The following GRIA3 variants were observed in gnomAD, a reference collection of about 807,000 sequenced individuals.
GRIA3 encodes glutamate receptor 3.
A neutral mutation model predicts 63.0 loss-of-function variants in GRIA3; 3 were observed. That is an observed-to-expected ratio of 0.05 (90% CI 0.02 to 0.12). The LOEUF is 0.12. Among genes scored for constraint, GRIA3 ranks in the 10% least tolerant of loss-of-function variants. The pLI, the probability that GRIA3 is intolerant of heterozygous loss-of-function variation, is 1.00. For missense variants in GRIA3, 347 were observed against 700.9 expected (o/e 0.50, Z 5.70); for synonymous variants, 274 against 257.9 (o/e 1.06, Z -0.60).
At chrX:123,275,225 C>T (rs1304671071) in intron 3 of GRIA3, among the ~76,000 whole-genome samples, 2 of 111,709 alleles carry the variant, frequency 1.8e-5, no homozygotes, top group African/African-American at 6.5e-5. Flanking sequence ...GTGTCAGGCA[C>T]TGTTCTATAT....
In GRIA3 at chrX:123,307,725, T is replaced by C. The variant is rs181161349; in HGVS notation, c.509-18301T>C. On this transcript the variant is annotated intron_variant, in intron 3 of 15. Coordinates refer to ENST00000620443, the MANE Select transcript of GRIA3 (RefSeq NM_007325.5). Reference sequence around the variant, plus strand: ...GATTCAGTCCAGCATCTTCACTACATGCAGCCCTTCCTACCTACCTGTGTG... The same window carrying C: ...GATTCAGTCCAGCATCTTCACTACACGCAGCCCTTCCTACCTACCTGTGTG... Among the ~76,000 whole-genome samples the C allele has an allele frequency of 6.3e-5, 7 of 110,511 alleles. No individual in the cohort carries two copies. The East Asian group carries it at 2.0e-3, about 31-fold the overall frequency.
At chrX:123,217,745 A>G (rs981408019) in intron 2 of GRIA3, among the ~76,000 whole-genome samples, 12 of 112,268 alleles carry the variant, frequency 1.1e-4, no homozygotes, top group African/African-American at 2.9e-4. Context: ...AGGATTTCCA[A>G]TGAAGGGGGG....
At chrX:123,337,504 A>C (rs1052738501) in intron 4 of GRIA3, among the ~76,000 whole-genome samples, 2 of 111,974 alleles carry the variant, frequency 1.8e-5, no homozygotes, top group Non-Finnish European at 3.8e-5. Context: ...GAGCTTAAGA[A>C]TGGGGACACA....
chrX:123,219,887 G>A (rs1002934541), intron 2 of GRIA3, among the ~76,000 whole-genome samples: 1 of 112,621 alleles, frequency 8.9e-6, no homozygotes, highest in Non-Finnish European at 1.9e-5. Flanking sequence ...AACTGTAATA[G>A]TGACACTGAG....
intron 3 of GRIA3, among the ~76,000 whole-genome samples, chrX:123,311,063 T>C (rs763020579): frequency 1.2e-4 from 13 of 110,181 alleles, no homozygotes; most frequent in African/African-American, 4.3e-4. Flanking sequence ...TACCTATTTA[T>C]ACAATCCTTA....
intron 12 of GRIA3, among the ~76,000 whole-genome samples, chrX:123,453,015 A>G (rs2045741613): frequency 8.9e-6 from 1 of 112,342 alleles, no homozygotes; most frequent in African/African-American, 3.2e-5. Flanking sequence ...TAGAAATACC[A>G]TTTGAGCCAG....
chrX:123,374,400 T>C (rs1484184806), intron 5 of GRIA3, among the ~76,000 whole-genome samples: 10 of 111,915 alleles, frequency 8.9e-5, no homozygotes, highest in African/African-American at 9.8e-5. Flanking sequence ...AAGAAAGTTA[T>C]TGGTAGCTTG....
chrX:123,259,787 C>T lies in GRIA3; in HGVS notation c.508+6245C>T, dbSNP rs143398026. Among the ~76,000 whole-genome samples the T allele has an allele frequency of 7.1e-3, 789 of 111,606 alleles. 7 individuals carry two copies. Among genetic ancestry groups the T allele is most frequent in the African/African-American group, 0.024 (744 of 30,684 alleles). The stretch of plus-strand genomic sequence containing the variant: ...ACCAGATTTCAACCTGGGTCTGCCA[C>T]GTTCCACAGTCTATGTACTGTTCTC... On this transcript the variant is annotated intron_variant, in intron 3 of 15. Coordinates refer to ENST00000620443, the MANE Select transcript of GRIA3 (RefSeq NM_007325.5).
chrX:123,248,832 A>G (rs2044374109), intron 2 of GRIA3, among the ~76,000 whole-genome samples: 1 of 112,042 alleles, frequency 8.9e-6, no homozygotes, highest in African/African-American at 3.2e-5. Flanking sequence ...GGTGTGCTTC[A>G]TTAAGGATTC....
intron 2 of GRIA3, among the ~76,000 whole-genome samples, chrX:123,215,431 C>T (rs185857680): frequency 1.2e-3 from 137 of 112,033 alleles, no homozygotes; most frequent in Admixed American, 3.9e-3. Flanking sequence ...ACAAACTGTT[C>T]GTTCCTTTTC....
intron 13 of GRIA3, among the ~76,000 whole-genome samples, chrX:123,478,491 A>G (rs1172774888): frequency 8.9e-6 from 1 of 112,115 alleles, no homozygotes; most frequent in African/African-American, 3.2e-5. Flanking sequence ...CCTCCCTGAT[A>G]TTAAAGATTT....
chrX:123,483,270 C>G (rs1051504679), intron 15 of GRIA3, among the ~76,000 whole-genome samples: 2 of 110,970 alleles, frequency 1.8e-5, no homozygotes, highest in Non-Finnish European at 3.8e-5. Flanking sequence ...AAAGGAAATA[C>G]AATTCTCCAG....
At chrX:123,370,805 A>G (rs2045242147) in intron 5 of GRIA3, among the ~76,000 whole-genome samples, 1 of 110,497 alleles carries the variant, frequency 9.1e-6, no homozygotes, top group South Asian at 3.9e-4. Context: ...GGTACATGAT[A>G]TATTTTGATA....
intron 10 of GRIA3, among the ~76,000 whole-genome samples, chrX:123,408,890 C>T (rs760855520): frequency 5.3e-5 from 6 of 112,157 alleles, no homozygotes; most frequent in Non-Finnish European, 9.4e-5. Context: ...TCTTATCATG[C>T]TTGGAGTAAA....
At position 123,430,897 on chromosome X, in the gene GRIA3, C is replaced by T. The variant is rs186132643; in HGVS notation, c.2076+2758C>T. On this transcript the variant is annotated intron_variant, in intron 12 of 15. Coordinates refer to ENST00000620443, the MANE Select transcript of GRIA3 (RefSeq NM_007325.5). ...ACTCGGGAGGCTGAGGCAGGAGAAT[C>T]GCTTGAACCAGGGATTCAGAGGTTG... Among the ~76,000 whole-genome samples, 55 of 110,698 alleles carry T rather than the reference C, an allele frequency of 5.0e-4. 1 individual carries two copies. The East Asian group carries it at 9.9e-3, about 20-fold the overall frequency.
intron 2 of GRIA3, among the ~76,000 whole-genome samples, chrX:123,210,641 G>A (rs1178759687): frequency 1.8e-5 from 2 of 111,573 alleles, no homozygotes; most frequent in Admixed American, 9.5e-5. Flanking sequence ...GGGTCAGTGA[G>A]TTATTTGACT....
intron 3 of GRIA3, among the ~76,000 whole-genome samples, chrX:123,305,398 T>C (rs1249826968): frequency 8.9e-6 from 1 of 112,080 alleles, no homozygotes; most frequent in Admixed American, 9.5e-5. Context: ...AAATGATGCA[T>C]AAGCACTATA....
chrX:123,460,748 C>G (rs923263677), intron 12 of GRIA3, among the ~76,000 whole-genome samples: 2 of 111,166 alleles, frequency 1.8e-5, no homozygotes, highest in Non-Finnish European at 3.8e-5. Context: ...TTCTGTGTAT[C>G]GAATTATTGA....
intron 3 of GRIA3, among the ~76,000 whole-genome samples, chrX:123,259,281 G>T (rs1263867534): frequency 1.8e-5 from 2 of 111,476 alleles, no homozygotes; most frequent in African/African-American, 6.5e-5. Flanking sequence ...TCTACTGAGA[G>T]ACAAGCAAAG....
Sources: allele counts gnomAD v4.1 joint callset (sites outside exome capture counted in the v4.1 genomes callset), GRCh38; gene constraint gnomAD v4.1.1; transcripts MANE v1.5; gene names NCBI Gene and HGNC (gene_info 2026-07-23, HGNC 2026-07-21).